Variants in SUGCT observed in about 807,000 individuals in gnomAD.
SUGCT encodes succinyl-CoA:glutarate-CoA transferase.
SUGCT carries 41 observed loss-of-function variants against 55.0 expected under a neutral mutation model. That is an observed-to-expected ratio of 0.74 (90% CI 0.58 to 0.97). The LOEUF (loss-of-function observed/expected upper bound fraction) is 0.97, where lower values mean the gene tolerates loss of function less well. Among genes scored for constraint, SUGCT ranks in the 50% least tolerant of loss-of-function variants. The pLI, the probability that SUGCT is intolerant of heterozygous loss-of-function variation, is 0.00. For synonymous variants in SUGCT, 187 were observed against 200.4 expected (o/e 0.93, Z 0.56); for missense variants, 568 against 547.8 (o/e 1.04, Z -0.37).
At chr7:40,964,917 G>A in the SUGCT span, 1 of 152,254 alleles carries the variant, frequency 6.6e-6, no homozygotes, top group Middle Eastern at 3.4e-3. Flanking sequence ...CACTGAAAAG[G>A]CAATATTAAG....
chr7:40,174,724 T>C (rs1784841814), intron 1 of SUGCT, among the ~76,000 whole-genome samples: 1 of 152,234 alleles, frequency 6.6e-6, no homozygotes, highest in Non-Finnish European at 1.5e-5. Flanking sequence ...CCATGAACAT[T>C]TTTATACCTA....
intron 10 of SUGCT, among the ~76,000 whole-genome samples, chr7:40,454,613 A>G: frequency 3.7e-5 from 1 of 26,942 alleles, no homozygotes; most frequent in East Asian, 1.9e-3. Context: ...AAACACCCAG[A>G]GGGGGAAAAA....
chr7:40,869,554 C>T, the SUGCT span, among the ~76,000 whole-genome samples: 9 of 152,288 alleles, frequency 5.9e-5, no homozygotes, highest in East Asian at 5.8e-4. Flanking sequence ...TAGAGATATA[C>T]CATGCTTGAA....
At chr7:40,871,266 A>G in the SUGCT span, among the ~76,000 whole-genome samples, 5 of 152,184 alleles carry the variant, frequency 3.3e-5, no homozygotes, top group African/African-American at 1.2e-4. Context: ...TAAGTCTTTA[A>G]GAGGTATGGC....
rs147986705 is a variant in SUGCT, at chr7:40,852,145, C to T, written c.1154-8171C>T. On this transcript the variant is annotated intron_variant, in intron 13 of 13. Transcript: ENST00000335693. ...GCGTGTCCAAAAAAATAATCCTTGG[C>T]TTGTGCCAAACTTGTCCATGCAATC... 2.6e-3 allele frequency among the ~76,000 whole-genome samples: 391 copies of T among 152,340 alleles called. 1 individual carries two copies. The Middle Eastern group carries it at 0.027, about 11-fold the overall frequency.
intron 6 of SUGCT, among the ~76,000 whole-genome samples, chr7:40,215,526 T>C (rs1302425838): frequency 6.6e-6 from 1 of 152,134 alleles, no homozygotes; most frequent in Non-Finnish European, 1.5e-5. Context: ...GTTTCATGTA[T>C]CATTTACTTC....
At chr7:40,325,879 A>G (rs910790273) in intron 9 of SUGCT, among the ~76,000 whole-genome samples, 4 of 145,162 alleles carry the variant, frequency 2.8e-5, no homozygotes, top group African/African-American at 1.0e-4. Context: ...ACTAAGCTGG[A>G]TGCATCATGG....
chr7:40,295,405 A>G (rs1304080431), intron 8 of SUGCT, among the ~76,000 whole-genome samples: 1 of 152,082 alleles, frequency 6.6e-6, no homozygotes, highest in Non-Finnish European at 1.5e-5. Flanking sequence ...GTGAAACCCC[A>G]TCTCTACTAA....
At chr7:40,890,249 TTA>T in the SUGCT span, among the ~76,000 whole-genome samples, 1 of 144,122 alleles carries the variant, frequency 6.9e-6, no homozygotes, top group Non-Finnish European at 1.5e-5. Flanking sequence ...AATATTTATA[TTA>T]TATATTTATA....
At chr7:41,036,622 T>C in the SUGCT span, among the ~76,000 whole-genome samples, 8 of 152,198 alleles carry the variant, frequency 5.3e-5, no homozygotes, top group Non-Finnish European at 1.2e-4. Context: ...TCTACTGGGA[T>C]GGTGCAAAAG....
At chr7:40,613,349 T>G (rs1248755193) in intron 12 of SUGCT, among the ~76,000 whole-genome samples, 1 of 152,116 alleles carries the variant, frequency 6.6e-6, no homozygotes, top group Non-Finnish European at 1.5e-5. Flanking sequence ...CACATTTGTT[T>G]CGGGCACTCA....
intron 12 of SUGCT, among the ~76,000 whole-genome samples, chr7:40,608,767 T>G (rs907316355): frequency 1.3e-5 from 2 of 152,198 alleles, no homozygotes; most frequent in African/African-American, 4.8e-5. Flanking sequence ...TTACAAAGTC[T>G]GTTTTACCAA....
At position 40,459,334 on chromosome 7, in the gene SUGCT, G is replaced by A. The variant is rs1789667911; in HGVS notation, c.986+136G>A. ...TTCCATTTTACAAAACTGGCTGGTG[G>A]AGAGATTTTAAAGCTGTGGGGTTTT... On this transcript the variant is annotated intron_variant, in intron 11 of 13. Coordinates refer to ENST00000335693, the MANE Select transcript of SUGCT (RefSeq NM_001193313.2). The A allele has an allele frequency of 9.9e-6, 6 of 603,174 alleles. No individual in the cohort carries two copies. In the South Asian group the frequency reaches 1.4e-4, roughly 14 times the overall value. 37.4% of individuals were successfully genotyped at this position (603,174 alleles called of 1,614,324 possible).
chr7:40,603,497 G>A (rs1798389407), intron 12 of SUGCT, among the ~76,000 whole-genome samples: 1 of 152,122 alleles, frequency 6.6e-6, no homozygotes, highest in Non-Finnish European at 1.5e-5. Context: ...GTTTTTTTGT[G>A]TAATTAAGTT....
chr7:40,550,688 A>G (rs753005662), intron 12 of SUGCT, among the ~76,000 whole-genome samples: 2 of 152,252 alleles, frequency 1.3e-5, no homozygotes, highest in African/African-American at 2.4e-5. Flanking sequence ...GTTAAATCAA[A>G]TATGAATATA....
chr7:40,510,377 T>C (rs571666451), intron 12 of SUGCT, among the ~76,000 whole-genome samples: 216 of 152,330 alleles, frequency 1.4e-3, no homozygotes, highest in African/African-American at 5.0e-3. Flanking sequence ...TTGATAGTTA[T>C]CTAGCACTTA....
intron 6 of SUGCT, among the ~76,000 whole-genome samples, chr7:40,225,670 A>G (rs1788297817): frequency 6.6e-6 from 1 of 152,032 alleles, no homozygotes; most frequent in South Asian, 2.1e-4. Context: ...TCCTGACCTC[A>G]ATTAATCCGC....
intron 1 of SUGCT, among the ~76,000 whole-genome samples, chr7:40,168,288 T>G (rs929178985): frequency 1.3e-5 from 2 of 152,140 alleles, no homozygotes; most frequent in African/African-American, 4.8e-5. Flanking sequence ...TCTAACTGCT[T>G]CCTGCTGAAT....
At chr7:40,976,349 A>G in the SUGCT span, among the ~76,000 whole-genome samples, 2 of 152,206 alleles carry the variant, frequency 1.3e-5, no homozygotes, top group African/African-American at 2.4e-5. Flanking sequence ...TGGGCAAACT[A>G]TTCATTAAAT....
Sources: gnomAD v4.1 joint callset for allele counts (sites outside exome capture counted in the v4.1 genomes callset) on GRCh38, gnomAD v4.1.1 for gene constraint, MANE v1.5 for transcripts, NCBI Gene and HGNC (gene_info 2026-07-23, HGNC 2026-07-21) for gene names.